Variants in PHACTR1 observed in about 807,000 individuals in gnomAD.
The protein encoded by PHACTR1 is RPEL repeat containing 1.
Under a neutral mutation model 69.2 loss-of-function variants are expected in PHACTR1, and 16 were observed. The ratio of observed to expected loss-of-function variants is 0.23; its 90% CI spans 0.16 to 0.35. The LOEUF is 0.35. Among genes scored for constraint, PHACTR1 ranks in the 10% least tolerant of loss-of-function variants. The pLI is 1.00. For missense variants in PHACTR1, 510 were observed against 734.7 expected (o/e 0.69, Z 3.54); for synonymous variants, 312 against 284.5 (o/e 1.10, Z -0.97).
chr6:12,768,809 TACACACACAC>T lies in PHACTR1; in HGVS notation c.250+19063_250+19072del, dbSNP rs4053038. ...GAATGGATAAAGAAAATGTGCTATC[TACACACACAC>T]ACACACACACACACACACACACACA... On this transcript the variant is annotated intron_variant, in intron 4 of 14. Transcript: ENST00000332995. Among the ~76,000 whole-genome samples the T allele has an allele frequency of 2.9e-3, 355 of 123,360 alleles. 1 individual carries two copies. The highest frequency in any genetic ancestry group is 5.5e-3 in the African/African-American group (176 of 31,906). 80.9% of individuals were successfully genotyped at this position (123,360 alleles called of 152,430 possible). A position where few individuals can be genotyped will look rare whatever the true frequency, so the allele number is the denominator to read the frequency against.
intron 4 of PHACTR1, chr6:12,957,535 C>T (rs1438420623): frequency 3.0e-6 from 3 of 985,386 alleles, no homozygotes; most frequent in Admixed American, 6.1e-5. Flanking sequence ...AGGACTGGGG[C>T]TCTGTGAAGG....
chr6:13,191,259 T>A (rs554584877), intron 7 of PHACTR1, among the ~76,000 whole-genome samples: 1 of 152,240 alleles, frequency 6.6e-6, no homozygotes, highest in African/African-American at 2.4e-5. Context: ...AAATGAATGT[T>A]TGCATAGAAG....
intron 4 of PHACTR1, among the ~76,000 whole-genome samples, chr6:13,007,484 C>A (rs762415162): frequency 2.0e-5 from 3 of 152,074 alleles, no homozygotes; most frequent in Non-Finnish European, 4.4e-5. Flanking sequence ...AATACCTAAT[C>A]CTAAATTTTT....
At position 13,179,405 on chromosome 6, in the gene PHACTR1, CGTGTGTGTGTGTGTGTGTGTGTGT is replaced by C. The variant is rs4053019; in HGVS notation, c.497-3097_497-3074del. On this transcript the variant is annotated intron_variant, in intron 6 of 14. Transcript: ENST00000332995. This position sits in a 1 kb window ranked among gnomAD's most constrained non-coding sequence, Gnocchi z 4.2. ...TATACAGCCCATTACATTAATGTTT[CGTGTGTGTGTGTGTGTGTGTGTGT>C]GTGTGTGTGTGTGTGTTTAAAAATG... Among the ~76,000 whole-genome samples, 1 of 141,956 alleles carries C rather than the reference CGTGTGTGTGTGTGTGTGTGTGTGT, an allele frequency of 7.0e-6. No homozygotes were observed. Among genetic ancestry groups the C allele is most frequent in the South Asian group, 2.3e-4 (1 of 4,266 alleles). The allele number at this position is 141,956 out of a possible 152,430, so 93.1% of individuals were successfully genotyped here.
rs77436858 is a variant in PHACTR1 at position 13,051,235 on chromosome 6, G to C, written c.251-2130G>C. Among the ~76,000 whole-genome samples the C allele has an allele frequency of 9.4e-3, 1,437 of 152,178 alleles. 23 individuals carry two copies. The highest frequency in any genetic ancestry group is 0.032 in the African/African-American group (1,348 of 41,514). On this transcript the variant is annotated intron_variant, in intron 4 of 14. Coordinates refer to ENST00000332995, the MANE Select transcript of PHACTR1 (RefSeq NM_030948.6). ...AATTTATTTGGTTTCAGTGTTTGCT[G>C]TCTGCCCTTCACCCTACCTCTGCAT... is the stretch of plus-strand genomic sequence containing the variant.
At chr6:13,177,343 G>A (rs1311883099) in intron 6 of PHACTR1, among the ~76,000 whole-genome samples, 1 of 149,920 alleles carries the variant, frequency 6.7e-6, no homozygotes, top group South Asian at 2.1e-4. Context: ...CTCTCTGTCT[G>A]TCTGTCTGTC....
intron 3 of PHACTR1, among the ~76,000 whole-genome samples, chr6:12,723,705 T>C (rs888777194): frequency 6.6e-6 from 1 of 152,074 alleles, no homozygotes; most frequent in East Asian, 1.9e-4. Flanking sequence ...CAGGCTGGTC[T>C]TAAACTCCTG....
chr6:12,815,786 T>C (rs975356904), intron 4 of PHACTR1, among the ~76,000 whole-genome samples: 1 of 152,230 alleles, frequency 6.6e-6, no homozygotes, highest in Admixed American at 6.5e-5. Context: ...TTTTGTTACT[T>C]AACTGAACAC....
chr6:13,244,234 G>A (rs773342023), intron 10 of PHACTR1, among the ~76,000 whole-genome samples: 7 of 152,124 alleles, frequency 4.6e-5, no homozygotes, highest in Non-Finnish European at 1.0e-4. Context: ...GCGCGAATAG[G>A]TGTCGGTGAC....
chr6:12,749,844 C>G lies in PHACTR1; in HGVS notation c.250+54C>G, dbSNP rs1235438079. On this transcript the variant is annotated intron_variant, in intron 4 of 14. Transcript: ENST00000332995. Reference sequence around the variant, plus strand: ...GCCCCCGCCCTGCTCCCTCCCTCCCCGGCTGTTGAGCCCCCGCCCCTCCCG... The same window carrying G: ...GCCCCCGCCCTGCTCCCTCCCTCCCGGGCTGTTGAGCCCCCGCCCCTCCCG... 6.2e-6 allele frequency: 9 copies of G among 1,453,898 alleles called. 1 individual carries two copies. In the Admixed American group the frequency reaches 1.4e-4, roughly 22 times the overall value. 90.1% of individuals were successfully genotyped at this position (1,453,898 alleles called of 1,614,324 possible). A position where few individuals can be genotyped will look rare whatever the true frequency, so the allele number is the denominator to read the frequency against.
At chr6:12,724,775 T>C (rs1242008175) in intron 3 of PHACTR1, among the ~76,000 whole-genome samples, 1 of 152,162 alleles carries the variant, frequency 6.6e-6, no homozygotes, top group Admixed American at 6.5e-5. Flanking sequence ...GAACCAGATA[T>C]CATTTTATCA....
At chr6:12,740,690 G>C (rs1041262242) in intron 3 of PHACTR1, among the ~76,000 whole-genome samples, 2 of 151,768 alleles carry the variant, frequency 1.3e-5, no homozygotes, top group Non-Finnish European at 2.9e-5. Flanking sequence ...TCTGTGGCCT[G>C]CTTTTCCAAT....
At chr6:12,754,461 T>TA (rs1428837495) in intron 4 of PHACTR1, among the ~76,000 whole-genome samples, 1 of 152,178 alleles carries the variant, frequency 6.6e-6, no homozygotes, top group Non-Finnish European at 1.5e-5. Flanking sequence ...CCCAAACTCT[T>TA]AAGTATTGCT....
chr6:13,200,960 A>G (rs1765152336), intron 7 of PHACTR1, among the ~76,000 whole-genome samples: 1 of 151,274 alleles, frequency 6.6e-6, no homozygotes, highest in Non-Finnish European at 1.5e-5. Context: ...AAAAAAAAAG[A>G]AAAAAATTAA....
At chr6:13,004,432 A>G (rs1039061306) in intron 4 of PHACTR1, among the ~76,000 whole-genome samples, 2 of 152,008 alleles carry the variant, frequency 1.3e-5, no homozygotes, top group African/African-American at 2.4e-5. Flanking sequence ...CTTTTGCAAA[A>G]TGTCTGTTTG....
chr6:13,134,713 T>A (rs1821254384), intron 5 of PHACTR1, among the ~76,000 whole-genome samples: 1 of 150,664 alleles, frequency 6.6e-6, no homozygotes, highest in African/African-American at 2.5e-5. Context: ...CATGTTTATC[T>A]GCTGACCTTC....
At chr6:13,047,813 G>A (rs1011536615) in intron 4 of PHACTR1, among the ~76,000 whole-genome samples, 1 of 151,964 alleles carries the variant, frequency 6.6e-6, no homozygotes, top group Non-Finnish European at 1.5e-5. Context: ...CCAAGGTGAT[G>A]CCATCTTTGC....
At chr6:12,814,287 C>A (rs777645738) in intron 4 of PHACTR1, among the ~76,000 whole-genome samples, 5 of 152,226 alleles carry the variant, frequency 3.3e-5, no homozygotes, top group African/African-American at 1.2e-4. Flanking sequence ...AGTCACCTTC[C>A]TCATGAGCCA....
In PHACTR1 at chr6:12,781,798, G is replaced by A. The variant is rs551645705; in HGVS notation, c.250+32008G>A. 2.6e-5 allele frequency among the ~76,000 whole-genome samples: 4 copies of A among 152,288 alleles called. No homozygotes were observed. In the East Asian group the frequency reaches 7.7e-4, roughly 29 times the overall value. ...TGGAGGGAGGGAGGGTGGTAAATGT[G>A]TACTCTTCTCTCACTACCAACCGAC... On this transcript the variant is annotated intron_variant, in intron 4 of 14. Coordinates refer to ENST00000332995, the MANE Select transcript of PHACTR1 (RefSeq NM_030948.6).
Sources: gnomAD v4.1 joint callset for allele counts (sites outside exome capture counted in the v4.1 genomes callset) on GRCh38, gnomAD v4.1.1 for gene constraint, Gnocchi (gnomAD v3.1) non-coding constraint, MANE v1.5 for transcripts, NCBI Gene and HGNC (gene_info 2026-07-23, HGNC 2026-07-21) for gene names.